Variants in NALCN observed in about 807,000 individuals in gnomAD.
The protein encoded by NALCN is sodium leak channel, non-selective.
In NALCN, 111 loss-of-function variants were observed where a neutral mutation model predicts 225.3. That is an observed-to-expected ratio of 0.49 (90% confidence interval 0.42 to 0.58). NALCN has a LOEUF of 0.58. Ranked by LOEUF, NALCN falls within the 20% of genes least tolerant of loss-of-function variation. The probability of loss-of-function intolerance (pLI) is 0.00; values close to 1 mark genes in which losing one functional copy is unlikely to be tolerated. For missense variants in NALCN, 1,378 were observed against 2,202.4 expected (o/e 0.63, Z 7.49); for synonymous variants, 764 against 769.0 (o/e 0.99, Z 0.11).
At chr13:101,110,112 A>G (rs1345467065) in intron 20 of NALCN, among the ~76,000 whole-genome samples, 1 of 152,222 alleles carries the variant, frequency 6.6e-6, no homozygotes, top group East Asian at 1.9e-4. Context: ...AACTATTTAT[A>G]GAGCCAGTAA....
Position 101,081,686 on chromosome 13 carries a change from T to C in NALCN, c.3766-40A>G, listed in dbSNP as rs763551739. 8 of 1,607,916 alleles carry C rather than the reference T, an allele frequency of 5.0e-6. No homozygotes were observed. In the South Asian group the frequency reaches 8.9e-5, roughly 18 times the overall value. On this transcript the variant is annotated intron_variant, in intron 33 of 43. Transcript: ENST00000251127. ...AAGAAGAAAATAAACAGAGAGAGTG[T>C]TTAGTACATATTTAAATGTATTAAC...
intron 31 of NALCN, 133 bp from the exon 32 acceptor site, chr13:101,083,331 T>C: frequency 1.3e-6 from 1 of 750,426 alleles, no homozygotes; most frequent in Non-Finnish European, 2.1e-6. Context: ...TATTGTGAGG[T>C]GTTTTTGCAG....
At chr13:101,276,342 T>G (rs989792503) in intron 10 of NALCN, among the ~76,000 whole-genome samples, 1 of 152,152 alleles carries the variant, frequency 6.6e-6, no homozygotes, top group African/African-American at 2.4e-5. Context: ...TGGATAAACA[T>G]GAGAAATGTC....
intron 7 of NALCN, among the ~76,000 whole-genome samples, chr13:101,340,266 T>TCAAA (rs10623457): frequency 0.078 from 11,524 of 147,494 alleles, 561 homozygotes; most frequent in South Asian, 0.15. Flanking sequence ...AGACTCCATC[T>TCAAA]CAAACAAACA....
intron 14 of NALCN, among the ~76,000 whole-genome samples, chr13:101,188,802 T>A (rs991212646): frequency 1.3e-5 from 2 of 151,530 alleles, no homozygotes; most frequent in African/African-American, 4.9e-5. Context: ...CTCCCCTGCC[T>A]CAGTATCCTG....
chr13:101,159,163 TATC>T (rs1457737175), intron 15 of NALCN, among the ~76,000 whole-genome samples: 1 of 152,228 alleles, frequency 6.6e-6, no homozygotes, highest in African/African-American at 2.4e-5. Context: ...AAGGAATGAA[TATC>T]ATCACTTTCC....
At chr13:101,092,852 G>A (rs750256314) in intron 28 of NALCN, among the ~76,000 whole-genome samples, 1 of 152,020 alleles carries the variant, frequency 6.6e-6, no homozygotes, top group Admixed American at 6.6e-5. Context: ...GATGAGTTTC[G>A]GGTGAGCCAG....
intron 18 of NALCN, among the ~76,000 whole-genome samples, chr13:101,123,656 C>T (rs141853486): frequency 3.3e-5 from 5 of 152,268 alleles, no homozygotes; most frequent in Non-Finnish European, 5.9e-5. Context: ...GCATGAACGT[C>T]AGCCAATATT....
chr13:101,390,742 C>G (rs773686993), intron 3 of NALCN, among the ~76,000 whole-genome samples: 1 of 151,794 alleles, frequency 6.6e-6, no homozygotes, highest in Non-Finnish European at 1.5e-5. Context: ...ATTTTAACCA[C>G]GAGGCAAGGA....
chr13:101,346,984 G>A (rs2045759265), intron 6 of NALCN, among the ~76,000 whole-genome samples: 1 of 152,162 alleles, frequency 6.6e-6, no homozygotes, highest in South Asian at 2.1e-4. Flanking sequence ...CCAAATTGAG[G>A]TAGACTTACC....
intron 33 of NALCN, 110 bp from the exon 34 acceptor site, chr13:101,081,756 T>C (rs1346967012): frequency 7.5e-7 from 1 of 1,326,752 alleles, no homozygotes; most frequent in Non-Finnish European, 1.0e-6. Flanking sequence ...TGAAGAAAAT[T>C]TTAAATTATT....
intron 6 of NALCN, among the ~76,000 whole-genome samples, chr13:101,363,121 C>T (rs1315417192): frequency 6.6e-6 from 1 of 152,104 alleles, no homozygotes; most frequent in Non-Finnish European, 1.5e-5. Context: ...ATTCGATGCT[C>T]ATGAATTGGA....
rs937163381 is a variant in NALCN at position 101,371,816 on chromosome 13, C to G, written c.644+4884G>C. Among the ~76,000 whole-genome samples the G allele has an allele frequency of 5.8e-4, 88 of 152,290 alleles. 1 individual carries two copies. The highest frequency in any genetic ancestry group is 2.1e-3 in the African/African-American group (86 of 41,566). The stretch of plus-strand genomic sequence containing the variant: ...ACTGAGTTTCTTCTTCATTTACGCT[C>G]TTAGTACTGGGCTTAATTTCATCAC... On this transcript the variant is annotated intron_variant, in intron 6 of 43. Coordinates refer to ENST00000251127, the MANE Select transcript of NALCN (RefSeq NM_052867.4).
chr13:101,386,187 T>C (rs2046981652), intron 3 of NALCN, among the ~76,000 whole-genome samples: 1 of 152,230 alleles, frequency 6.6e-6, no homozygotes, highest in Non-Finnish European at 1.5e-5. Context: ...GTATAGGTAT[T>C]AGATGGTAAT....
chr13:101,157,653 T>C (rs531022170), intron 15 of NALCN, among the ~76,000 whole-genome samples: 1 of 152,320 alleles, frequency 6.6e-6, no homozygotes, highest in Non-Finnish European at 1.5e-5. Flanking sequence ...TTTACTTCAG[T>C]GCAGTCTAGT....
intron 3 of NALCN, among the ~76,000 whole-genome samples, chr13:101,384,317 C>G (rs61246636): frequency 0.16 from 24,100 of 151,954 alleles, 2,528 homozygotes; most frequent in East Asian, 0.46. Flanking sequence ...CAAAAATCAG[C>G]ACTTTGGTGG....
chr13:101,333,019 T>A (rs2139242963), intron 7 of NALCN, among the ~76,000 whole-genome samples: 1 of 152,346 alleles, frequency 6.6e-6, no homozygotes, highest in Non-Finnish European at 1.5e-5. Context: ...GCTGTTCATA[T>A]TTATTAACAT....
intron 11 of NALCN, among the ~76,000 whole-genome samples, chr13:101,246,609 A>C (rs1444710045): frequency 1.3e-5 from 2 of 152,222 alleles, no homozygotes; most frequent in South Asian, 2.1e-4. Context: ...ATTTTTACCT[A>C]ACAAGATAAT....
intron 11 of NALCN, among the ~76,000 whole-genome samples, chr13:101,238,925 T>A (rs1197203864): frequency 2.6e-5 from 4 of 151,942 alleles, no homozygotes; most frequent in Non-Finnish European, 5.9e-5. Flanking sequence ...GATAGTTAAT[T>A]TAGATGTGAA....
Sources: allele counts gnomAD v4.1 joint callset (sites outside exome capture counted in the v4.1 genomes callset), GRCh38; gene constraint gnomAD v4.1.1; transcripts MANE v1.5; gene names NCBI Gene and HGNC (gene_info 2026-07-23, HGNC 2026-07-21).